The following SMPD3 variants were observed in gnomAD, a reference collection of about 807,000 sequenced individuals.
The protein encoded by SMPD3 is nSMase-2.
A neutral mutation model predicts 55.7 loss-of-function variants in SMPD3; 21 were observed. The ratio of observed to expected loss-of-function variants is 0.38; its 90% CI spans 0.27 to 0.54. The LOEUF is 0.54. SMPD3 is among the 20% of genes least tolerant of loss of function. SMPD3 has a pLI of 0.80. For synonymous variants in SMPD3, 457 were observed against 404.3 expected (o/e 1.13, Z -1.56); for missense variants, 842 against 899.6 (o/e 0.94, Z 0.82).
At chr16:68,380,477 G>A (rs537389482) in intron 2 of SMPD3, among the ~76,000 whole-genome samples, 1 of 152,378 alleles carries the variant, frequency 6.6e-6, no homozygotes, top group South Asian at 2.1e-4. Context: ...TGGGTGCTGA[G>A]GCCTGTGCCT....
Position 68,359,227 on chromosome 16 carries a change from C to T in SMPD3, c.*1979G>A, listed in dbSNP as rs1031620271. ...TCTAGGGGTCCAGGGCCGGCCGGCC[C>T]AGTCGCTTGTGTGAGCAGAGTACCA... On this transcript the variant is annotated 3_prime_UTR_variant, in exon 9 of 9. Transcript: ENST00000219334. 6.6e-6 allele frequency: 1 copy of T among 152,466 alleles called. No individual in the cohort carries two copies. The highest frequency in any genetic ancestry group is 2.4e-5 in the African/African-American group (1 of 41,468). The allele number at this position is 152,466 out of a possible 1,614,324, so 9.4% of individuals were successfully genotyped here.
chr16:68,440,641 A>G (rs928014842), intron 1 of SMPD3, among the ~76,000 whole-genome samples: 3 of 152,222 alleles, frequency 2.0e-5, no homozygotes, highest in Non-Finnish European at 4.4e-5. Flanking sequence ...AATCCTCACT[A>G]CAACCTGCAA....
intron 3 of SMPD3, chr16:68,369,650 G>C (rs2089594269): frequency 6.6e-6 from 1 of 152,280 alleles, no homozygotes; most frequent in South Asian, 2.1e-4. Context: ...TGGGAAGGTT[G>C]GATCTATCTG....
intron 1 of SMPD3, among the ~76,000 whole-genome samples, chr16:68,443,649 G>T (rs2090585239): frequency 6.6e-6 from 1 of 152,110 alleles, no homozygotes. Flanking sequence ...CCCATTCTTT[G>T]GTAACCAAGT....
chr16:68,443,427 G>T (rs1461475097), intron 1 of SMPD3, among the ~76,000 whole-genome samples: 1 of 152,190 alleles, frequency 6.6e-6, no homozygotes, highest in East Asian at 1.9e-4. Context: ...GGAATAGGCT[G>T]CTAGGAAATA....
chr16:68,415,275 C>T (rs2090330723), intron 1 of SMPD3, among the ~76,000 whole-genome samples: 1 of 152,002 alleles, frequency 6.6e-6, no homozygotes, highest in Non-Finnish European at 1.5e-5. Context: ...GTGGAGAAAC[C>T]CAAGGAGTGG....
intron 3 of SMPD3, among the ~76,000 whole-genome samples, chr16:68,366,869 G>T (rs531534670): frequency 3.3e-5 from 5 of 152,148 alleles, no homozygotes; most frequent in African/African-American, 7.2e-5. Context: ...TTAGCCGGGC[G>T]TGGTGGTATG....
chr16:68,397,253 C>T (rs1467766660), intron 1 of SMPD3, among the ~76,000 whole-genome samples: 1 of 152,216 alleles, frequency 6.6e-6, no homozygotes, highest in Admixed American at 6.5e-5. Flanking sequence ...ACCACCCTTC[C>T]CTCTTACCTG....
chr16:68,410,872 A>T (rs1485532909), intron 1 of SMPD3, among the ~76,000 whole-genome samples: 1 of 152,274 alleles, frequency 6.6e-6, no homozygotes, highest in Admixed American at 6.5e-5. Context: ...GCATCTGTGA[A>T]TTCCGGCAGA....
chr16:68,444,717 C>T (rs1054446939), intron 1 of SMPD3, among the ~76,000 whole-genome samples: 5 of 152,108 alleles, frequency 3.3e-5, no homozygotes, highest in African/African-American at 4.8e-5. Context: ...CATAAAATAA[C>T]GTTATTGCCT....
At chr16:68,435,536 G>A (rs745782651) in intron 1 of SMPD3, among the ~76,000 whole-genome samples, 2 of 151,788 alleles carry the variant, frequency 1.3e-5, no homozygotes, top group Non-Finnish European at 2.9e-5. Flanking sequence ...TAACACAGAG[G>A]TGCCAGTTCT....
chr16:68,389,197 C>T (rs1197396526), intron 1 of SMPD3, among the ~76,000 whole-genome samples: 1 of 152,176 alleles, frequency 6.6e-6, no homozygotes, highest in Non-Finnish European at 1.5e-5. Flanking sequence ...GCAGGGAGGG[C>T]CTGGGGGGCG....
At chr16:68,364,959 C>T (rs73615919) in intron 4 of SMPD3, 53 bp from the exon 5 acceptor site, 208,767 of 1,613,206 alleles carry the variant, frequency 0.13, 15,191 homozygotes, top group African/African-American at 0.28. Flanking sequence ...CAGACCCCAG[C>T]TAGGCCCCAG....
intron 1 of SMPD3, among the ~76,000 whole-genome samples, chr16:68,407,273 A>G (rs1171301751): frequency 6.6e-6 from 1 of 152,210 alleles, no homozygotes; most frequent in Non-Finnish European, 1.5e-5. Flanking sequence ...AATTTATAAC[A>G]TTCATGTCTG....
intron 2 of SMPD3, among the ~76,000 whole-genome samples, chr16:68,378,395 G>A (rs1390950318): frequency 6.6e-6 from 1 of 152,156 alleles, no homozygotes. Context: ...ACACATCCAC[G>A]CTAATTCCCG....
intron 1 of SMPD3, among the ~76,000 whole-genome samples, chr16:68,424,281 TG>T (rs1189748564): frequency 2.0e-5 from 3 of 152,004 alleles, no homozygotes; most frequent in Admixed American, 6.5e-5. Flanking sequence ...CTTTGAATCC[TG>T]AACTCCCAGC....
intron 3 of SMPD3, among the ~76,000 whole-genome samples, chr16:68,370,469 C>T (rs2151981744): frequency 6.6e-6 from 1 of 152,322 alleles, no homozygotes; most frequent in African/African-American, 2.4e-5. Context: ...TTCTTCCTCA[C>T]TTTATCACTG....
chr16:68,381,360 G>A (rs761774922), intron 2 of SMPD3, among the ~76,000 whole-genome samples: 3 of 152,194 alleles, frequency 2.0e-5, no homozygotes, highest in Non-Finnish European at 2.9e-5. Flanking sequence ...GCCCAACCAA[G>A]GGCTGCTGTA....
chr16:68,363,947 T>TA, intron 5 of SMPD3, 81 bp from the exon 6 acceptor site: 1 of 1,297,468 alleles, frequency 7.7e-7, no homozygotes, highest in South Asian at 1.3e-5. Flanking sequence ...TCCCATCAGT[T>TA]ACTCCCCATG....
Sources: allele counts gnomAD v4.1 joint callset (sites outside exome capture counted in the v4.1 genomes callset), GRCh38; gene constraint gnomAD v4.1.1; transcripts MANE v1.5; gene names NCBI Gene and HGNC (gene_info 2026-07-23, HGNC 2026-07-21).